Variants in CPEB1 observed in about 807,000 individuals in gnomAD.
CPEB1 encodes cytoplasmic polyadenylation element binding protein 1.
CPEB1 carries 7 observed loss-of-function variants against 65.8 expected under a neutral mutation model. The ratio of observed to expected loss-of-function variants is 0.11; its 90% CI spans 0.06 to 0.20. The LOEUF (loss-of-function observed/expected upper bound fraction) is 0.20. Among genes scored for constraint, CPEB1 ranks in the 10% least tolerant of loss-of-function variants. The probability of loss-of-function intolerance (pLI) is 1.00; values close to 1 mark genes in which losing one functional copy is unlikely to be tolerated. For synonymous variants in CPEB1, 262 were observed against 260.0 expected, an observed-to-expected ratio of 1.01 and a Z score of -0.08; for missense variants, 551 against 712.2, an observed-to-expected ratio of 0.77 and a Z score of 2.58.
At chr15:82,554,038 C>T (rs1344778967) in intron 6 of CPEB1, 47 bp from the exon 7 acceptor site, 3 of 1,155,520 alleles carry the variant, frequency 2.6e-6, no homozygotes, top group East Asian at 4.7e-5. Flanking sequence ...AGAGAATCAA[C>T]AAAGCCACAC....
chr15:82,563,259 A>G (rs2038535334), intron 4 of CPEB1, among the ~76,000 whole-genome samples: 1 of 152,126 alleles, frequency 6.6e-6, no homozygotes, highest in South Asian at 2.1e-4. Flanking sequence ...CAAAACTGGA[A>G]TATGAATGAC....
At chr15:82,646,369 GGGGAGGCTGGGC>G (rs1179799264) in intron 1 of CPEB1, among the ~76,000 whole-genome samples, 1 of 152,176 alleles carries the variant, frequency 6.6e-6, no homozygotes, top group African/African-American at 2.4e-5. Context: ...GAGAGAGCGC[GGGGAGGCTGGGC>G]GGTAGCCAGG....
chr15:82,586,906 G>A (rs1596068434), intron 3 of CPEB1, among the ~76,000 whole-genome samples: 1 of 151,980 alleles, frequency 6.6e-6, no homozygotes, highest in East Asian at 1.9e-4. Context: ...TTTCCCCAAG[G>A]GATTTTATTC....
At chr15:82,647,794 G>A (rs587671165), upstream of CPEB1, 7,713 of 1,253,296 alleles carry the variant, frequency 6.2e-3, 32 homozygotes, top group Non-Finnish European at 7.1e-3. Context: ...GGCTGCGCGC[G>A]GACCGTTAGC....
At chr15:82,581,195 C>T (rs970590491) in intron 3 of CPEB1, among the ~76,000 whole-genome samples, 1 of 152,182 alleles carries the variant, frequency 6.6e-6, no homozygotes, top group East Asian at 1.9e-4. Flanking sequence ...AGGCTGGCCC[C>T]AAACTCCTGG....
chr15:82,594,009 A>G (rs2042474241), intron 3 of CPEB1, among the ~76,000 whole-genome samples: 1 of 152,222 alleles, frequency 6.6e-6, no homozygotes, highest in Non-Finnish European at 1.5e-5. Context: ...GAGTAGATTT[A>G]GCATGTTTCT....
At chr15:82,553,162 C>T (rs1034565595) in intron 8 of CPEB1, among the ~76,000 whole-genome samples, 5 of 152,140 alleles carry the variant, frequency 3.3e-5, no homozygotes, top group African/African-American at 9.7e-5. Context: ...GCTTTTCAAA[C>T]GCCTTATTTT....
chr15:82,553,868 G>A lies in CPEB1; in HGVS notation c.1054+10C>T, dbSNP rs2150960260. 1 of 1,559,610 alleles carries A rather than the reference G, an allele frequency of 6.4e-7. No homozygotes were observed. Among genetic ancestry groups the A allele is most frequent in the Non-Finnish European group, 8.8e-7 (1 of 1,131,282 alleles). ...TTCAACTCTTAAAGCAGGTCTTAGA[G>A]ACAGCTCACCTTCTGTAATATCCCA... On this transcript the variant is annotated intron_variant, in intron 7 of 12. Transcript: ENST00000684509.
rs187908221 is a variant in CPEB1 at position 82,550,205 on chromosome 15, C to T, written c.1282-547G>A. ...GAGAGGTTGGGTAGAAAGTCACATA[C>T]AAGATCCCTGGAGTCTTAAAGGGCT... On this transcript the variant is annotated intron_variant, in intron 9 of 12. Coordinates refer to ENST00000684509, the MANE Select transcript of CPEB1 (RefSeq NM_001365242.1). Among the ~76,000 whole-genome samples the T allele has an allele frequency of 2.6e-5, 4 of 152,290 alleles. No homozygotes were observed. In the East Asian group the frequency reaches 7.7e-4, roughly 29 times the overall value.
At chr15:82,619,644 C>G (rs1319213886) in intron 3 of CPEB1, among the ~76,000 whole-genome samples, 1 of 151,932 alleles carries the variant, frequency 6.6e-6, no homozygotes, top group Non-Finnish European at 1.5e-5. Flanking sequence ...AGAGACACTT[C>G]AAGAAAAAGG....
At chr15:82,605,089 T>C (rs534269086) in intron 3 of CPEB1, among the ~76,000 whole-genome samples, 1 of 152,196 alleles carries the variant, frequency 6.6e-6, no homozygotes, top group Non-Finnish European at 1.5e-5. Flanking sequence ...GGCAGTAGGA[T>C]GACATACTGA....
intron 3 of CPEB1, among the ~76,000 whole-genome samples, chr15:82,592,639 T>C (rs2042351060): frequency 6.6e-6 from 1 of 151,984 alleles, no homozygotes; most frequent in Admixed American, 6.6e-5. Context: ...ATAGCATTGA[T>C]GTCTTTTTAA....
At chr15:82,629,845 T>A in intron 1 of CPEB1, 3 of 985,414 alleles carry the variant, frequency 3.0e-6, no homozygotes, top group Non-Finnish European at 3.6e-6. Flanking sequence ...CATTTACAGT[T>A]TTACCAACTC....
chr15:82,616,537 A>ATT lies in CPEB1; in HGVS notation c.271+10654_271+10655dup, dbSNP rs35713948. 3.5e-3 allele frequency among the ~76,000 whole-genome samples: 476 copies of ATT among 137,602 alleles called. 8 individuals are homozygous for ATT. The highest frequency in any genetic ancestry group is 0.011 in the African/African-American group (411 of 36,684). The allele number at this position is 137,602 out of a possible 152,430, so 90.3% of individuals were successfully genotyped here. A position where few individuals can be genotyped will look rare whatever the true frequency, so the allele number is the denominator to read the frequency against. On this transcript the variant is annotated intron_variant, in intron 3 of 12. Coordinates refer to ENST00000684509, the MANE Select transcript of CPEB1 (RefSeq NM_001365242.1). ...CATTATTTTACATTCCTCTTTTTAAATTTTTTTTTTTTTTTTTTTGAGACG... is the reference window on the plus strand; with the variant it reads ...CATTATTTTACATTCCTCTTTTTAAATTTTTTTTTTTTTTTTTTTTTGAGACG...
At chr15:82,564,429 G>A (rs2038783459) in intron 4 of CPEB1, among the ~76,000 whole-genome samples, 2 of 152,056 alleles carry the variant, frequency 1.3e-5, no homozygotes, top group South Asian at 4.2e-4. Context: ...GGGACTACAG[G>A]CACCTGCCAC....
intron 3 of CPEB1, among the ~76,000 whole-genome samples, chr15:82,607,797 A>G (rs1451396295): frequency 6.6e-6 from 1 of 152,208 alleles, no homozygotes; most frequent in East Asian, 1.9e-4. Flanking sequence ...AATTATAAAC[A>G]CCAATGAACC....
intron 12 of CPEB1, among the ~76,000 whole-genome samples, chr15:82,546,014 C>CT (rs35385880): frequency 0.66 from 101,007 of 152,094 alleles, 33,989 homozygotes; most frequent in African/African-American, 0.76. Flanking sequence ...ATGTCTGTCC[C>CT]GGTCTGACCT....
intron 3 of CPEB1, among the ~76,000 whole-genome samples, chr15:82,576,576 T>C (rs4779032): frequency 0.61 from 93,041 of 152,076 alleles, 29,019 homozygotes; most frequent in African/African-American, 0.75. Context: ...AGATGTTCAC[T>C]GTTCAATCTA....
At chr15:82,613,926 T>A (rs1308406319) in intron 3 of CPEB1, among the ~76,000 whole-genome samples, 1 of 149,810 alleles carries the variant, frequency 6.7e-6, no homozygotes, top group Non-Finnish European at 1.5e-5. Flanking sequence ...CTGGCCTCCT[T>A]GGGAGGCTCC....
Sources: allele counts gnomAD v4.1 joint callset (sites outside exome capture counted in the v4.1 genomes callset), GRCh38; gene constraint gnomAD v4.1.1; transcripts MANE v1.5; gene names NCBI Gene and HGNC (gene_info 2026-07-23, HGNC 2026-07-21).